The following DNM3 variants were observed in gnomAD, a reference collection of about 807,000 sequenced individuals.
The protein encoded by DNM3 is dynamin-3.
DNM3 carries 47 observed loss-of-function variants against 101.6 expected under a neutral mutation model. That is an observed-to-expected ratio of 0.46 (90% confidence interval 0.37 to 0.59). DNM3 has a LOEUF of 0.59. Among genes scored for constraint, DNM3 ranks in the 20% least tolerant of loss-of-function variants. The pLI is 0.00. For missense variants in DNM3, 849 were observed against 1,085.7 expected (o/e 0.78, Z 3.06); for synonymous variants, 385 against 387.9 (o/e 0.99, Z 0.09).
chr1:171,907,791 T>C (rs145627396), intron 1 of DNM3, among the ~76,000 whole-genome samples: 160 of 152,310 alleles, frequency 1.1e-3, no homozygotes, highest in African/African-American at 3.7e-3. Flanking sequence ...CCAGTGGGAC[T>C]TAAGATGCAA....
At chr1:171,856,135 A>G (rs1571265412) in intron 1 of DNM3, among the ~76,000 whole-genome samples, 1 of 152,040 alleles carries the variant, frequency 6.6e-6, no homozygotes, top group South Asian at 2.1e-4. Context: ...TCCTTTCCCC[A>G]TTGCTTGTTT....
intron 4 of DNM3, among the ~76,000 whole-genome samples, chr1:172,026,867 A>G (rs544679333): frequency 1.1e-3 from 165 of 152,070 alleles, no homozygotes; most frequent in Admixed American, 2.7e-3. Flanking sequence ...GTTAGCCAGG[A>G]TGGTCTCGAT....
intron 13 of DNM3, among the ~76,000 whole-genome samples, chr1:172,113,209 A>T (rs1235762908): frequency 1.3e-5 from 2 of 152,192 alleles, no homozygotes; most frequent in Non-Finnish European, 2.9e-5. Context: ...TCCAAGAATG[A>T]CCACTGTTAT....
chr1:171,886,820 A>G (rs1173632492), intron 1 of DNM3, among the ~76,000 whole-genome samples: 2 of 152,218 alleles, frequency 1.3e-5, no homozygotes, highest in Non-Finnish European at 2.9e-5. Context: ...CACTATAAAC[A>G]TTATTTCCAA....
At chr1:172,126,147 G>T (rs1181975287) in intron 13 of DNM3, among the ~76,000 whole-genome samples, 1 of 152,092 alleles carries the variant, frequency 6.6e-6, no homozygotes, top group South Asian at 2.1e-4. Flanking sequence ...CCTATTTTGA[G>T]CTGATTGTTA....
chr1:171,884,643 A>G (rs539126673), intron 1 of DNM3, among the ~76,000 whole-genome samples: 6 of 152,248 alleles, frequency 3.9e-5, no homozygotes, highest in Admixed American at 2.0e-4. Flanking sequence ...ACTCACTCAT[A>G]TGGTTGGCTG....
Position 172,172,599 on chromosome 1 carries a change from A to C in DNM3, c.1659+41311A>C, listed in dbSNP as rs1036294085. On this transcript the variant is annotated intron_variant, in intron 14 of 20. Coordinates refer to ENST00000627582, the MANE Select transcript of DNM3 (RefSeq NM_015569.5). ...AAACTTGGGGAAAGCAAAACCATGA[A>C]TAAGGGGACTACTATACTTACTACT... 2.0e-5 allele frequency among the ~76,000 whole-genome samples: 3 copies of C among 151,856 alleles called. No individual in the cohort carries two copies. In the East Asian group the frequency reaches 5.8e-4, roughly 30 times the overall value.
At chr1:171,848,475 T>G (rs943257241) in intron 1 of DNM3, among the ~76,000 whole-genome samples, 2 of 152,172 alleles carry the variant, frequency 1.3e-5, no homozygotes, top group Non-Finnish European at 2.9e-5. Flanking sequence ...TTACACATTA[T>G]TAATATTTAT....
chr1:172,144,873 T>C (rs950285692), intron 14 of DNM3: 2 of 270,496 alleles, frequency 7.4e-6, no homozygotes, highest in Non-Finnish European at 1.5e-5. Context: ...TATGGGATGA[T>C]GTCACCCTGG....
chr1:172,143,952 T>C (rs1358606989), intron 14 of DNM3, among the ~76,000 whole-genome samples: 4 of 152,124 alleles, frequency 2.6e-5, no homozygotes, highest in Non-Finnish European at 4.4e-5. Flanking sequence ...CCATATAGCA[T>C]TTAAAAACCA....
At chr1:172,005,344 G>C (rs1357667143) in intron 4 of DNM3, among the ~76,000 whole-genome samples, 1 of 152,006 alleles carries the variant, frequency 6.6e-6, no homozygotes, top group Admixed American at 6.6e-5. Flanking sequence ...GTGGCTCATG[G>C]ATTTCAGACT....
intron 14 of DNM3, among the ~76,000 whole-genome samples, chr1:172,192,500 A>G (rs1449356627): frequency 2.7e-5 from 4 of 147,748 alleles, no homozygotes; most frequent in South Asian, 4.4e-4. Flanking sequence ...AGCATTAGGT[A>G]TATCTCCCAA....
rs112310107 is a variant in DNM3, at chr1:171,975,271, C to T, written c.236-12385C>T. On this transcript the variant is annotated intron_variant, in intron 2 of 20. Coordinates refer to ENST00000627582, the MANE Select transcript of DNM3 (RefSeq NM_015569.5). ...AAGCGTCTTATCAGATGAATTGGCT[C>T]GGCATTTTAGTTTTATATAACCAAT... is the stretch of plus-strand genomic sequence containing the variant. 9.1e-3 allele frequency among the ~76,000 whole-genome samples: 1,380 copies of T among 152,220 alleles called. 27 individuals are homozygous for T. Among genetic ancestry groups the T allele is most frequent in the African/African-American group, 0.031 (1,292 of 41,536 alleles).
At chr1:172,355,649 G>A (rs955990257) in intron 17 of DNM3, among the ~76,000 whole-genome samples, 2 of 152,126 alleles carry the variant, frequency 1.3e-5, no homozygotes, top group East Asian at 1.9e-4. Context: ...GGAAAGAGAC[G>A]TGTACAGTTG....
At chr1:172,256,215 C>T (rs1331015997) in intron 15 of DNM3, among the ~76,000 whole-genome samples, 1 of 152,034 alleles carries the variant, frequency 6.6e-6, no homozygotes, top group Non-Finnish European at 1.5e-5. Flanking sequence ...GTTCTGTTAG[C>T]TTCATAAATT....
intron 11 of DNM3, among the ~76,000 whole-genome samples, chr1:172,074,689 G>A (rs1264640561): frequency 6.6e-6 from 1 of 152,174 alleles, no homozygotes; most frequent in Non-Finnish European, 1.5e-5. Flanking sequence ...GTGTATATGA[G>A]CCACATTTTC....
At position 172,072,517 on chromosome 1, in the gene DNM3, T is replaced by C. The variant is rs547123312; in HGVS notation, c.1422+3612T>C. Among the ~76,000 whole-genome samples the C allele has an allele frequency of 2.0e-5, 3 of 152,322 alleles. No homozygotes were observed. In the South Asian group the frequency reaches 6.2e-4, roughly 32 times the overall value. On this transcript the variant is annotated intron_variant, in intron 11 of 20. Transcript: ENST00000627582. ...GCCTCCAGCCTATAGCACTGGGTAC[T>C]GAGTACAAAACAAGAACAAGTGGCC...
intron 18 of DNM3, among the ~76,000 whole-genome samples, chr1:172,384,487 A>T (rs191529051): frequency 6.6e-6 from 1 of 152,216 alleles, no homozygotes; most frequent in Non-Finnish European, 1.5e-5. Context: ...GAGGAACCTG[A>T]GACTCAAACA....
chr1:172,400,619 T>C lies in DNM3; in HGVS notation c.2523-7153T>C, dbSNP rs535036549. ...CTTTTAGCTCTTTCCTCCCCCAAGT[T>C]TATAATCTCAATGATATAGTACAAA... On this transcript the variant is annotated intron_variant, in intron 20 of 20. Coordinates refer to ENST00000627582, the MANE Select transcript of DNM3 (RefSeq NM_015569.5). Among the ~76,000 whole-genome samples, 173 of 152,294 alleles carry C rather than the reference T, an allele frequency of 1.1e-3. 3 individuals carry two copies. The South Asian group carries it at 0.035, about 31-fold the overall frequency.
Sources: allele counts gnomAD v4.1 joint callset (sites outside exome capture counted in the v4.1 genomes callset), GRCh38; gene constraint gnomAD v4.1.1; transcripts MANE v1.5; gene names NCBI Gene and HGNC (gene_info 2026-07-23, HGNC 2026-07-21).